Variants in NELL1 observed in about 807,000 individuals in gnomAD.
NELL1 encodes neural EGFL like 1, also known as protein kinase C-binding protein NELL1.
A neutral mutation model predicts 107.4 loss-of-function variants in NELL1; 76 were observed. That is an observed-to-expected ratio of 0.71 (90% confidence interval 0.59 to 0.86). The LOEUF is 0.86. NELL1 is among the 40% of genes least tolerant of loss of function. The pLI, the probability that NELL1 is intolerant of heterozygous loss-of-function variation, is 0.00. For synonymous variants in NELL1, 353 were observed against 341.2 expected (o/e 1.03, Z -0.38); for missense variants, 1,024 against 1,005.5 (o/e 1.02, Z -0.25).
intron 5 of NELL1, among the ~76,000 whole-genome samples, chr11:20,892,940 A>G (rs1010488412): frequency 1.3e-5 from 2 of 152,024 alleles, no homozygotes; most frequent in Non-Finnish European, 2.9e-5. Flanking sequence ...AAAAAAAAAA[A>G]AAAAAAACAG....
chr11:20,975,567 T>C (rs1244499566), intron 12 of NELL1, among the ~76,000 whole-genome samples: 1 of 127,502 alleles, frequency 7.8e-6, no homozygotes, highest in Non-Finnish European at 1.7e-5. Context: ...TGTACAGATA[T>C]AATGTATTAT....
chr11:20,863,841 T>C (rs1849041163), intron 4 of NELL1, among the ~76,000 whole-genome samples: 2 of 152,160 alleles, frequency 1.3e-5, no homozygotes, highest in African/African-American at 4.8e-5. Context: ...TGAACGAGAC[T>C]CCGTCTGCAA....
At chr11:21,143,609 C>T (rs914672710) in intron 13 of NELL1, among the ~76,000 whole-genome samples, 2 of 152,148 alleles carry the variant, frequency 1.3e-5, no homozygotes, top group Non-Finnish European at 2.9e-5. Context: ...CTTCATTAAA[C>T]AGTAGAACTA....
At chr11:21,048,771 G>A (rs555331945) in intron 12 of NELL1, among the ~76,000 whole-genome samples, 2 of 152,064 alleles carry the variant, frequency 1.3e-5, no homozygotes, top group Non-Finnish European at 2.9e-5. Flanking sequence ...CCACGCCTCC[G>A]CTGGCTTCTC....
chr11:21,324,197 G>A (rs991189363), intron 14 of NELL1, among the ~76,000 whole-genome samples: 4 of 152,062 alleles, frequency 2.6e-5, no homozygotes, highest in Non-Finnish European at 5.9e-5. Context: ...TTTTGAAGAT[G>A]AGGATTCCAG....
intron 5 of NELL1, among the ~76,000 whole-genome samples, chr11:20,900,102 G>A (rs1849839804): frequency 6.6e-6 from 1 of 152,138 alleles, no homozygotes; most frequent in Non-Finnish European, 1.5e-5. Flanking sequence ...GTTCATTTGT[G>A]CATCTTTGAT....
At chr11:21,297,039 A>G (rs1172980900) in intron 14 of NELL1, among the ~76,000 whole-genome samples, 1 of 151,448 alleles carries the variant, frequency 6.6e-6, no homozygotes, top group African/African-American at 2.4e-5. Context: ...TTAAAAAAAT[A>G]ATTATTTTAA....
chr11:20,822,993 A>T (rs927507324), intron 3 of NELL1, among the ~76,000 whole-genome samples: 3 of 152,300 alleles, frequency 2.0e-5, no homozygotes, highest in African/African-American at 7.2e-5. Flanking sequence ...GCTGAAGAGA[A>T]CAGTTCTGCC....
chr11:21,136,032 C>T (rs866019414), intron 13 of NELL1, among the ~76,000 whole-genome samples: 1 of 151,964 alleles, frequency 6.6e-6, no homozygotes, highest in Admixed American at 6.6e-5. Context: ...ATAAGTGCTG[C>T]GAAGAAAACC....
chr11:21,197,334 T>A (rs117951481), intron 13 of NELL1, among the ~76,000 whole-genome samples: 2,292 of 151,664 alleles, frequency 0.015, 42 homozygotes, highest in Non-Finnish European at 0.021. Flanking sequence ...AGATTTGTAA[T>A]CACTGTACTT....
At chr11:20,813,006 C>CAAAAAAAAAAAAAAAAAAA (rs869187456) in intron 3 of NELL1, among the ~76,000 whole-genome samples, 1 of 61,236 alleles carries the variant, frequency 1.6e-5, no homozygotes, top group African/African-American at 6.9e-5. Flanking sequence ...GACTCCGTCT[C>CAAAAAAAAAAAAAAAAAAA]AAAAAAAAAA....
chr11:20,905,339 T>C (rs1403193655), intron 5 of NELL1, among the ~76,000 whole-genome samples: 1 of 152,178 alleles, frequency 6.6e-6, no homozygotes, highest in Non-Finnish European at 1.5e-5. Flanking sequence ...TAATACATTA[T>C]AACATCCAAA....
At chr11:21,193,310 A>T (rs1857085293) in intron 13 of NELL1, among the ~76,000 whole-genome samples, 1 of 151,914 alleles carries the variant, frequency 6.6e-6, no homozygotes, top group Middle Eastern at 3.4e-3. Flanking sequence ...CTCTTAGGTC[A>T]ATCAGAAATA....
chr11:20,932,915 G>T (rs575546342), intron 9 of NELL1, among the ~76,000 whole-genome samples: 1 of 152,356 alleles, frequency 6.6e-6, no homozygotes, highest in East Asian at 1.9e-4. Flanking sequence ...ATGTACATAT[G>T]TATGTGTGTG....
intron 14 of NELL1, among the ~76,000 whole-genome samples, chr11:21,335,909 A>T (rs1161009348): frequency 6.6e-6 from 1 of 152,106 alleles, no homozygotes; most frequent in South Asian, 2.1e-4. Flanking sequence ...GCCATTCTTA[A>T]GCAAAGTTTG....
At chr11:20,915,702 T>G (rs769309180) in intron 5 of NELL1, among the ~76,000 whole-genome samples, 2 of 48,260 alleles carry the variant, frequency 4.1e-5, no homozygotes, top group Non-Finnish European at 7.6e-5. Flanking sequence ...TCATAGATGA[T>G]ATATATATAT....
intron 12 of NELL1, among the ~76,000 whole-genome samples, chr11:20,969,624 A>AT (rs565244687): frequency 1.3e-5 from 2 of 151,298 alleles, no homozygotes; most frequent in East Asian, 2.0e-4. Context: ...TCTTCCCTCC[A>AT]TTTTTTTCCC....
chr11:21,336,672 T>TACACACACACACACAC (rs368167297), intron 14 of NELL1, among the ~76,000 whole-genome samples: 79 of 106,282 alleles, frequency 7.4e-4, no homozygotes, highest in African/African-American at 1.5e-3. Flanking sequence ...TATATATATA[T>TACACACACACACACAC]ATACACACAC....
chr11:21,089,867 G>A (rs1305575454), intron 12 of NELL1, among the ~76,000 whole-genome samples: 1 of 152,140 alleles, frequency 6.6e-6, no homozygotes, highest in African/African-American at 2.4e-5. Flanking sequence ...TAGGGATGGA[G>A]GACTTTCTGT....
Sources: gnomAD v4.1 joint callset for allele counts (sites outside exome capture counted in the v4.1 genomes callset) on GRCh38, gnomAD v4.1.1 for gene constraint, MANE v1.5 for transcripts, NCBI Gene and HGNC (gene_info 2026-07-23, HGNC 2026-07-21) for gene names.